Variants in LIMS1 observed in about 807,000 individuals in gnomAD.
LIMS1 encodes LIM zinc finger domain containing 1, also known as LIM and senescent cell antigen-like-containing domain protein 1.
A neutral mutation model predicts 44.1 loss-of-function variants in LIMS1; 18 were observed. The ratio of observed to expected loss-of-function variants is 0.41; its 90% CI spans 0.28 to 0.61. The LOEUF is 0.61. LIMS1 is among the 20% of genes least tolerant of loss of function. The pLI, the probability that LIMS1 is intolerant of heterozygous loss-of-function variation, is 0.32. For missense variants in LIMS1, 201 were observed against 422.0 expected (o/e 0.48, Z 4.59); for synonymous variants, 93 against 149.1 (o/e 0.62, Z 2.74).
At chr2:108,540,682 T>C (rs1438698059) in intron 1 of LIMS1, among the ~76,000 whole-genome samples, 1 of 152,228 alleles carries the variant, frequency 6.6e-6, no homozygotes, top group South Asian at 2.1e-4. Context: ...TCATGCACTT[T>C]AGTGGGTCCC....
intron 1 of LIMS1, among the ~76,000 whole-genome samples, chr2:108,584,683 G>T (rs1686023182): frequency 6.6e-6 from 1 of 152,114 alleles, no homozygotes; most frequent in African/African-American, 2.4e-5. Flanking sequence ...GGTATGGACA[G>T]GTTTTCTGAG....
intron 1 of LIMS1, among the ~76,000 whole-genome samples, chr2:108,574,575 A>T (rs934987060): frequency 5.8e-4 from 88 of 152,150 alleles, no homozygotes; most frequent in Non-Finnish European, 8.7e-4. Context: ...AGAGAGGAGG[A>T]GGAGTAGGGA....
At chr2:108,572,380 C>CT (rs780841996) in intron 1 of LIMS1, among the ~76,000 whole-genome samples, 36,885 of 112,692 alleles carry the variant, frequency 0.33, 7,860 homozygotes, top group East Asian at 0.86. Context: ...GGGACTCTTG[C>CT]TTTTTTTTTT....
chr2:108,644,919 A>G (rs572569249), intron 1 of LIMS1, among the ~76,000 whole-genome samples: 3 of 152,082 alleles, frequency 2.0e-5, no homozygotes, highest in African/African-American at 7.2e-5. Flanking sequence ...GATCAACTCA[A>G]TGAAATAAAG....
chr2:108,619,123 T>TC (rs1040452297), intron 1 of LIMS1, among the ~76,000 whole-genome samples: 5 of 152,134 alleles, frequency 3.3e-5, no homozygotes, highest in African/African-American at 1.2e-4. Context: ...GTGTTTCCTG[T>TC]CTGGTTAACC....
chr2:108,613,329 G>GT (rs1419492789), intron 1 of LIMS1, among the ~76,000 whole-genome samples: 9 of 152,266 alleles, frequency 5.9e-5, no homozygotes, highest in South Asian at 2.1e-4. Flanking sequence ...AAACGCTTAC[G>GT]TTTCTGTGGA....
intron 1 of LIMS1, among the ~76,000 whole-genome samples, chr2:108,611,988 CATATATTATATAT>C (rs1558809088): frequency 2.8e-5 from 4 of 140,744 alleles, no homozygotes; most frequent in African/African-American, 7.9e-5. Flanking sequence ...AATATATATA[CATATATTATATAT>C]ACACACATAT....
chr2:108,610,149 TGTGTGTGTGTG>T (rs1186783537), intron 1 of LIMS1, among the ~76,000 whole-genome samples: 1 of 1,362 alleles, frequency 7.3e-4, no homozygotes, highest in Non-Finnish European at 1.3e-3. Context: ...TTACAAAAAA[TGTGTGTGTGTG>T]TGTGTGTGTG....
At chr2:108,620,101 CG>C (rs2148870603) in intron 1 of LIMS1, among the ~76,000 whole-genome samples, 1 of 152,250 alleles carries the variant, frequency 6.6e-6, no homozygotes, top group East Asian at 1.9e-4. Context: ...GTGGACCTAG[CG>C]TAACAAATGG....
chr2:108,571,586 T>A (rs796082508), intron 1 of LIMS1, among the ~76,000 whole-genome samples: 14 of 152,330 alleles, frequency 9.2e-5, no homozygotes, highest in African/African-American at 3.4e-4. Flanking sequence ...CCTTAAAAAA[T>A]GTTGTAATAC....
At chr2:108,552,319 C>CTA (rs374127866) in intron 1 of LIMS1, among the ~76,000 whole-genome samples, 8 of 129,518 alleles carry the variant, frequency 6.2e-5, no homozygotes, top group African/African-American at 1.7e-4. Context: ...ATATATGAAA[C>CTA]TATATATATA....
chr2:108,621,588 T>G (rs1688244656), intron 1 of LIMS1: 1 of 698,226 alleles, frequency 1.4e-6, no homozygotes, highest in Admixed American at 2.3e-5. Flanking sequence ...AGTCTGTAAT[T>G]AAAAACTGAA....
rs770973667 is a variant in LIMS1 at position 108,607,273 on chromosome 2, A to G, written c.33-52332A>G. On this transcript the variant is annotated intron_variant, in intron 1 of 9. Transcript: ENST00000544547. Reference sequence around the variant, plus strand: ...ATGACATGGTGAGTGCTGCTGCACAATATTGAGCTGTTCCCCCTCCAAATG... The same window carrying G: ...ATGACATGGTGAGTGCTGCTGCACAGTATTGAGCTGTTCCCCCTCCAAATG... 782 of 1,550,418 alleles carry G rather than the reference A, an allele frequency of 5.0e-4. 1 individual carries two copies. Among genetic ancestry groups the G allele is most frequent in the Non-Finnish European group, 6.4e-4 (728 of 1,146,438 alleles).
chr2:108,536,164 A>T (rs1250315438), intron 1 of LIMS1, among the ~76,000 whole-genome samples: 1 of 152,200 alleles, frequency 6.6e-6, no homozygotes, highest in Non-Finnish European at 1.5e-5. Context: ...TCCGCATCCT[A>T]TCCCCTTCCC....
At chr2:108,648,411 C>A (rs1353012183) in intron 1 of LIMS1, among the ~76,000 whole-genome samples, 2 of 152,066 alleles carry the variant, frequency 1.3e-5, no homozygotes, top group Non-Finnish European at 2.9e-5. Flanking sequence ...TCAATGCTGT[C>A]CCCATCAAGC....
intron 1 of LIMS1, among the ~76,000 whole-genome samples, chr2:108,583,263 G>A (rs1160077350): frequency 3.3e-5 from 5 of 149,712 alleles, no homozygotes; most frequent in African/African-American, 9.9e-5. Flanking sequence ...GGCTGGTCTC[G>A]AACTCCTGAC....
intron 1 of LIMS1, among the ~76,000 whole-genome samples, chr2:108,636,837 G>A (rs1243050185): frequency 6.6e-6 from 1 of 152,110 alleles, no homozygotes; most frequent in African/African-American, 2.4e-5. Context: ...TTGAGCACAG[G>A]AGCCTGCAGA....
At chr2:108,609,447 A>G (rs1312985112) in intron 1 of LIMS1, among the ~76,000 whole-genome samples, 2 of 151,632 alleles carry the variant, frequency 1.3e-5, no homozygotes, top group African/African-American at 4.8e-5. Flanking sequence ...TCAAAAGCTG[A>G]CTCTAAACTG....
Position 108,642,350 on chromosome 2 carries a change from TTTTTTTTGTTTTTTG to T in LIMS1, c.33-17247_33-17233del, listed in dbSNP as rs1355042198. ...AGCTACTAGTGTTTTTTGTTTTTTT[TTTTTTTTGTTTTTTG>T]TTTTTTTTTTTTGAGACGGAGTCTC... On this transcript the variant is annotated intron_variant, in intron 1 of 9. Transcript: ENST00000544547. 1.7e-3 allele frequency among the ~76,000 whole-genome samples: 16 copies of T among 9,376 alleles called. 2 individuals carry two copies. Among genetic ancestry groups the T allele is most frequent in the Admixed American group, 6.0e-3 (3 of 496 alleles). The allele number at this position is 9,376 out of a possible 152,430, so 6.2% of individuals were successfully genotyped here.
Sources: gnomAD v4.1 joint callset for allele counts (sites outside exome capture counted in the v4.1 genomes callset) on GRCh38, gnomAD v4.1.1 for gene constraint, MANE v1.5 for transcripts, NCBI Gene and HGNC (gene_info 2026-07-23, HGNC 2026-07-21) for gene names.